The following KLHDC4 variants were observed in gnomAD, a reference collection of about 807,000 sequenced individuals.
KLHDC4 encodes the protein kelch domain-containing protein 4.
In KLHDC4, 90 loss-of-function variants were observed where a neutral mutation model predicts 62.4. The observed-to-expected ratio is 1.44, with a 90% CI of 1.22 to 1.72. The LOEUF is 1.72. KLHDC4 is among the 40% of genes most tolerant of loss of function. The pLI is 0.00. For synonymous variants in KLHDC4, 386 were observed against 284.4 expected (o/e 1.36, Z -3.59); for missense variants, 1,025 against 699.7 (o/e 1.47, Z -5.25).
chr16:87,706,794 C>A (rs542170307), downstream of KLHDC4, among the ~76,000 whole-genome samples: 1 of 152,314 alleles, frequency 6.6e-6, no homozygotes, highest in Admixed American at 6.5e-5. Flanking sequence ...AGAGGCGACA[C>A]TTCTCAAGCC....
chr16:87,712,611 C>A (rs1184905735), intron 8 of KLHDC4, among the ~76,000 whole-genome samples: 3 of 152,272 alleles, frequency 2.0e-5, no homozygotes, highest in African/African-American at 7.2e-5. Flanking sequence ...TGGAAAGTGA[C>A]TGAAAGAAGG....
intron 2 of KLHDC4, among the ~76,000 whole-genome samples, chr16:87,760,607 A>C (rs1183948458): frequency 9.1e-6 from 1 of 110,166 alleles, no homozygotes; most frequent in African/African-American, 3.5e-5. Flanking sequence ...ACTCCGTCCC[A>C]AAAAAAAAAA....
At chr16:87,755,900 G>T (rs150015059) in intron 3 of KLHDC4, 1 of 160,946 alleles carries the variant, frequency 6.2e-6, no homozygotes, top group Non-Finnish European at 1.4e-5. Flanking sequence ...ACTGAGAGAC[G>T]AAGATGGACA....
At position 87,711,148 on chromosome 16, in the gene KLHDC4, C is replaced by G; in HGVS notation, c.1044+87G>C. On this transcript the variant is annotated intron_variant, in intron 9 of 11. Coordinates refer to ENST00000270583, the MANE Select transcript of KLHDC4 (RefSeq NM_017566.4). ...CTCATGGGCTTTGGGGGCCCCAATA[C>G]CAAAAGGTGCTGGAGGAAGGCAGTG... 5 of 1,449,804 alleles carry G rather than the reference C, an allele frequency of 3.4e-6. No homozygotes were observed. The South Asian group carries it at 6.0e-5, about 17-fold the overall frequency. The allele number at this position is 1,449,804 out of a possible 1,614,324, so 89.8% of individuals were successfully genotyped here. A position where few individuals can be genotyped will look rare whatever the true frequency, so the allele number is the denominator to read the frequency against.
intron 5 of KLHDC4, among the ~76,000 whole-genome samples, chr16:87,739,538 C>A (rs2041922180): frequency 6.6e-6 from 1 of 150,682 alleles, no homozygotes; most frequent in African/African-American, 2.4e-5. Flanking sequence ...TCTCATCCAT[C>A]CACACACCAG....
chr16:87,735,866 G>C (rs1022972635), intron 5 of KLHDC4, among the ~76,000 whole-genome samples: 2 of 152,234 alleles, frequency 1.3e-5, no homozygotes, highest in East Asian at 1.9e-4. Context: ...CTGCCAGGCA[G>C]TGTCACCACC....
intron 7 of KLHDC4, among the ~76,000 whole-genome samples, chr16:87,725,529 T>G (rs1259104616): frequency 3.3e-5 from 5 of 152,212 alleles, no homozygotes; most frequent in Non-Finnish European, 7.3e-5. Context: ...CGTAAAATTC[T>G]TTCAAAAGTT....
At chr16:87,718,095 T>G (rs1021267366) in intron 7 of KLHDC4, among the ~76,000 whole-genome samples, 1 of 152,148 alleles carries the variant, frequency 6.6e-6, no homozygotes, top group South Asian at 2.1e-4. Context: ...CTCCTCCTTC[T>G]ACAGCAGTTT....
rs536470887 is a variant in KLHDC4, at chr16:87,763,117, C to G, written c.100-1077G>C. Among the ~76,000 whole-genome samples the G allele has an allele frequency of 7.4e-4, 112 of 152,308 alleles. 1 individual carries two copies. Among genetic ancestry groups the G allele is most frequent in the Middle Eastern group, 6.8e-3 (2 of 294 alleles). ...ATTTAAAACACACAAGTTAACAGAA[C>G]TTTATCCAAGACATTCCTGTATACG... On this transcript the variant is annotated intron_variant, in intron 1 of 11. Transcript: ENST00000270583.
chr16:87,716,295 T>C (rs2142980307), intron 7 of KLHDC4, among the ~76,000 whole-genome samples: 1 of 152,108 alleles, frequency 6.6e-6, no homozygotes, highest in Admixed American at 6.5e-5. Flanking sequence ...TTGTAGATAT[T>C]GACGTAGACT....
chr16:87,717,577 T>C (rs2037251621), intron 7 of KLHDC4, among the ~76,000 whole-genome samples: 1 of 152,204 alleles, frequency 6.6e-6, no homozygotes, highest in Non-Finnish European at 1.5e-5. Flanking sequence ...ATCTGTGCAA[T>C]TCCAGTGATG....
At chr16:87,722,543 C>G (rs2038591868) in intron 7 of KLHDC4, among the ~76,000 whole-genome samples, 2 of 152,270 alleles carry the variant, frequency 1.3e-5, no homozygotes, top group Non-Finnish European at 2.9e-5. Flanking sequence ...GTCAAGCACG[C>G]CACTGTCCAG....
At chr16:87,708,326 A>T (rs753256546) in intron 11 of KLHDC4, 24 bp downstream of exon 11, 1 of 1,485,174 alleles carries the variant, frequency 6.7e-7, no homozygotes. Flanking sequence ...CAGCCGCGCC[A>T]CCCGCCAGCC....
At chr16:87,763,875 C>T (rs1259676017) in intron 1 of KLHDC4, among the ~76,000 whole-genome samples, 1 of 152,126 alleles carries the variant, frequency 6.6e-6, no homozygotes, top group Non-Finnish European at 1.5e-5. Flanking sequence ...AAGCTGAATG[C>T]TGAAAAGACG....
chr16:87,730,040 A>C (rs1052258208), intron 6 of KLHDC4, among the ~76,000 whole-genome samples: 1 of 152,140 alleles, frequency 6.6e-6, no homozygotes, highest in African/African-American at 2.4e-5. Context: ...TGCAACCTCC[A>C]TCTCCTGGGT....
chr16:87,711,091 C>G, intron 9 of KLHDC4, 144 bp downstream of exon 9: 1 of 721,202 alleles, frequency 1.4e-6, no homozygotes, highest in Non-Finnish European at 2.3e-6. Flanking sequence ...CCAGGACAGT[C>G]AGAGACGGAA....
intron 5 of KLHDC4, among the ~76,000 whole-genome samples, chr16:87,746,389 G>C (rs1000867854): frequency 2.0e-5 from 3 of 151,998 alleles, no homozygotes; most frequent in African/African-American, 7.3e-5. Context: ...GAGAGAAAGA[G>C]ACAGAGAGAG....
At position 87,708,366 on chromosome 16, in the gene KLHDC4, G is replaced by T; in HGVS notation, c.1548C>A (p.Ser516Arg). The change falls in exon 11 of 12, where the codon AGC becomes AGA. Residue 516 changes from serine to arginine, a missense_variant. Transcript: ENST00000270583. ...CCCGCTCACCTCAGTCCTCCGCACC[G>T]CTCTCCTCTCCGCTGTCTTCGTCGT... ...GVDDEDSGEE[S>R]GAED 2 of 1,607,250 alleles carry T rather than the reference G, an allele frequency of 1.2e-6. No individual in the cohort carries two copies. Among genetic ancestry groups the T allele is most frequent in the South Asian group, 1.1e-5 (1 of 90,800 alleles).
exon 1 of KLHDC4, chr16:87,701,963 C>G: frequency 2.2e-6 from 1 of 456,322 alleles, no homozygotes; most frequent in Non-Finnish European, 4.4e-6. Context: ...CTCTGTCCTT[C>G]TTGGTCATCT....
Sources: gnomAD v4.1 joint callset for allele counts (sites outside exome capture counted in the v4.1 genomes callset) on GRCh38, gnomAD v4.1.1 for gene constraint, MANE v1.5 for transcripts, NCBI Gene and HGNC (gene_info 2026-07-23, HGNC 2026-07-21) for gene names.